Variants in DOCK3 observed in about 807,000 individuals in gnomAD.
DOCK3 encodes the protein dedicator of cytokinesis protein 3.
In DOCK3, 60 loss-of-function variants were observed where a neutral mutation model predicts 265.6. The observed-to-expected ratio is 0.23, with a 90% CI of 0.18 to 0.28. DOCK3 has a LOEUF of 0.28. Ranked by LOEUF, DOCK3 falls within the 10% of genes least tolerant of loss-of-function variation. The pLI, the probability that DOCK3 is intolerant of heterozygous loss-of-function variation, is 1.00. For missense variants in DOCK3, 1,981 were observed against 2,594.3 expected (o/e 0.76, Z 5.14); for synonymous variants, 881 against 938.0 (o/e 0.94, Z 1.11).
chr3:51,275,899 C>T (rs1288679028), intron 25 of DOCK3, among the ~76,000 whole-genome samples: 1 of 152,034 alleles, frequency 6.6e-6, no homozygotes, highest in Non-Finnish European at 1.5e-5. Context: ...ATACTTATTT[C>T]ATGTACTTTT....
rs547640519 is a variant in DOCK3, at chr3:50,973,131, CT to C, written c.315+39065del. Reference sequence around the variant, plus strand: ...ATTTCTTTTTTTTTTTTGTAGTTTTCTTTTTTTTTTTCTTTTATTATTATAC... The same window carrying C: ...ATTTCTTTTTTTTTTTTGTAGTTTTCTTTTTTTTTTCTTTTATTATTATAC... On this transcript the variant is annotated intron_variant, in intron 5 of 52. Coordinates refer to ENST00000266037, the MANE Select transcript of DOCK3 (RefSeq NM_004947.5). 9.7e-3 allele frequency among the ~76,000 whole-genome samples: 528 copies of C among 54,502 alleles called. 5 individuals are homozygous for C. The highest frequency in any genetic ancestry group is 0.026 in the African/African-American group (374 of 14,362). 35.8% of individuals were successfully genotyped at this position (54,502 alleles called of 152,430 possible). A position where few individuals can be genotyped will look rare whatever the true frequency, so the allele number is the denominator to read the frequency against.
At chr3:51,375,531 C>G (rs1296155948) in intron 50 of DOCK3, among the ~76,000 whole-genome samples, 1 of 152,128 alleles carries the variant, frequency 6.6e-6, no homozygotes, top group Non-Finnish European at 1.5e-5. Flanking sequence ...GATGGTATTG[C>G]AAATATTGTG....
chr3:50,812,072 G>C (rs958392499), intron 2 of DOCK3, among the ~76,000 whole-genome samples: 2 of 152,190 alleles, frequency 1.3e-5, no homozygotes, highest in Non-Finnish European at 2.9e-5. Context: ...GCTGGTGGCG[G>C]TGAAACTTGC....
At chr3:50,726,324 G>C (rs1406622525) in intron 1 of DOCK3, among the ~76,000 whole-genome samples, 1 of 152,156 alleles carries the variant, frequency 6.6e-6, no homozygotes, top group African/African-American at 2.4e-5. Flanking sequence ...AAGCAGCAGA[G>C]AGACTGAAAA....
chr3:50,965,279 T>C (rs1347482992), intron 5 of DOCK3, among the ~76,000 whole-genome samples: 2 of 152,116 alleles, frequency 1.3e-5, no homozygotes, highest in Admixed American at 6.5e-5. Flanking sequence ...TATTAGAATT[T>C]GTAGGATGCA....
chr3:50,817,823 T>G (rs1017592004), intron 2 of DOCK3, among the ~76,000 whole-genome samples: 1 of 152,188 alleles, frequency 6.6e-6, no homozygotes, highest in African/African-American at 2.4e-5. Context: ...GCCTTAGTTT[T>G]GCAAATTTGA....
chr3:50,865,503 T>C (rs1213284450), intron 3 of DOCK3, among the ~76,000 whole-genome samples: 1 of 152,270 alleles, frequency 6.6e-6, no homozygotes, highest in Non-Finnish European at 1.5e-5. Context: ...TATGACTGAA[T>C]AGTACTCCAT....
intron 10 of DOCK3, among the ~76,000 whole-genome samples, chr3:51,153,075 G>T (rs2085685334): frequency 6.6e-6 from 1 of 152,220 alleles, no homozygotes; most frequent in African/African-American, 2.4e-5. Flanking sequence ...AGTTTCTGCT[G>T]CCTTTTGTTC....
At chr3:51,070,554 G>A (rs2081818150) in intron 6 of DOCK3, among the ~76,000 whole-genome samples, 1 of 152,074 alleles carries the variant, frequency 6.6e-6, no homozygotes, top group African/African-American at 2.4e-5. Flanking sequence ...TAAATGTTTG[G>A]TAAAAGGTAG....
intron 12 of DOCK3, among the ~76,000 whole-genome samples, chr3:51,202,192 A>T (rs1217501953): frequency 8.0e-6 from 1 of 124,476 alleles, no homozygotes; most frequent in African/African-American, 3.2e-5. Context: ...GGAAATAGAG[A>T]CACAAAAAAC....
intron 4 of DOCK3, among the ~76,000 whole-genome samples, chr3:50,893,881 C>A (rs901731734): frequency 1.3e-5 from 2 of 150,062 alleles, no homozygotes; most frequent in Non-Finnish European, 3.0e-5. Flanking sequence ...GGACAAAAAA[C>A]CAAACACCGT....
chr3:50,701,075 C>T (rs974668016), intron 1 of DOCK3, among the ~76,000 whole-genome samples: 1 of 150,922 alleles, frequency 6.6e-6, no homozygotes, highest in Non-Finnish European at 1.5e-5. Flanking sequence ...CGCCAACTGG[C>T]CATTTGTATG....
intron 7 of DOCK3, among the ~76,000 whole-genome samples, chr3:51,084,389 A>T (rs2082349071): frequency 6.6e-6 from 1 of 152,226 alleles, no homozygotes; most frequent in South Asian, 2.1e-4. Flanking sequence ...CACATTTCTC[A>T]GCAGAAACCT....
At chr3:51,072,143 T>C (rs2081900350) in intron 6 of DOCK3, among the ~76,000 whole-genome samples, 1 of 152,220 alleles carries the variant, frequency 6.6e-6, no homozygotes, top group South Asian at 2.1e-4. Flanking sequence ...TCAAAGCTAC[T>C]GTATTCTTTA....
intron 5 of DOCK3, among the ~76,000 whole-genome samples, chr3:51,005,004 T>C (rs1434957140): frequency 2.0e-5 from 3 of 151,428 alleles, no homozygotes; most frequent in Non-Finnish European, 4.4e-5. Flanking sequence ...TATTATTTCT[T>C]GATTTATATG....
At chr3:51,190,274 G>T (rs961612340) in intron 12 of DOCK3, among the ~76,000 whole-genome samples, 67 of 152,170 alleles carry the variant, frequency 4.4e-4, no homozygotes, top group Admixed American at 1.3e-4. Flanking sequence ...CAGTGGGACT[G>T]CCATACTGCA....
At chr3:51,036,482 G>A (rs1200169808) in intron 5 of DOCK3, among the ~76,000 whole-genome samples, 1 of 152,148 alleles carries the variant, frequency 6.6e-6, no homozygotes, top group East Asian at 1.9e-4. Flanking sequence ...CCTTTAGGTA[G>A]TTTATCTTAT....
Position 51,280,087 on chromosome 3 carries a change from T to C in DOCK3, c.2824-19T>C. On this transcript the variant is annotated intron_variant, in intron 26 of 52. Transcript: ENST00000266037. ...CTTGCAATTGGCCATGCTAAGTGTT[T>C]TTTTGGGTTGGTCCCTAGGGCGAGT... is the stretch of plus-strand genomic sequence containing the variant. 1 of 1,611,020 alleles carries C rather than the reference T, an allele frequency of 6.2e-7. No individual in the cohort carries two copies. Among genetic ancestry groups the C allele is most frequent in the Non-Finnish European group, 8.5e-7 (1 of 1,178,290 alleles).
intron 5 of DOCK3, among the ~76,000 whole-genome samples, chr3:50,934,621 G>A (rs932238792): frequency 2.0e-5 from 3 of 152,122 alleles, no homozygotes; most frequent in African/African-American, 4.8e-5. Flanking sequence ...AAGGCCAGGA[G>A]TTTGAAACCA....
Sources: gnomAD v4.1 joint callset for allele counts (sites outside exome capture counted in the v4.1 genomes callset) on GRCh38, gnomAD v4.1.1 for gene constraint, MANE v1.5 for transcripts, NCBI Gene and HGNC (gene_info 2026-07-23, HGNC 2026-07-21) for gene names.